Variants in PPFIA2 observed in about 807,000 individuals in gnomAD.
The protein encoded by PPFIA2 is PPFI scaffold protein A2.
In PPFIA2, 46 loss-of-function variants were observed where a neutral mutation model predicts 175.5. The observed-to-expected ratio is 0.26, with a 90% CI of 0.21 to 0.34. The LOEUF (loss-of-function observed/expected upper bound fraction) is 0.34. PPFIA2 is among the 10% of genes least tolerant of loss of function. The probability of loss-of-function intolerance (pLI) is 1.00; values close to 1 mark genes in which losing one functional copy is unlikely to be tolerated. For missense variants in PPFIA2, 1,179 were observed against 1,506.1 expected (o/e 0.78, Z 3.60); for synonymous variants, 568 against 511.4 (o/e 1.11, Z -1.49).
chr12:81,331,064 C>T (rs755186612), intron 21 of PPFIA2, among the ~76,000 whole-genome samples: 9 of 152,102 alleles, frequency 5.9e-5, no homozygotes, highest in East Asian at 1.9e-4. Context: ...TAAGTTTTGG[C>T]GTAAAGGCCG....
intron 4 of PPFIA2, among the ~76,000 whole-genome samples, chr12:81,472,338 G>T (rs987060741): frequency 6.6e-6 from 1 of 152,112 alleles, no homozygotes; most frequent in African/African-American, 2.4e-5. Context: ...ATTTTTAATG[G>T]CTGAATAAAA....
chr12:81,546,272 T>C (rs1388646430), intron 4 of PPFIA2: 1 of 152,184 alleles, frequency 6.6e-6, no homozygotes, highest in Non-Finnish European at 1.5e-5. Flanking sequence ...CACACAGGTG[T>C]TCAGGGGATT....
intron 7 of PPFIA2, among the ~76,000 whole-genome samples, chr12:81,413,374 T>A (rs1032181698): frequency 6.6e-6 from 1 of 151,972 alleles, no homozygotes; most frequent in African/African-American, 2.4e-5. Context: ...ATATAAGAAC[T>A]TGAAGGTCTT....
Position 81,754,086 on chromosome 12 carries a change from G to A in PPFIA2, c.136C>T (p.Leu46=). 6.2e-7 allele frequency: 1 copy of A among 1,613,904 alleles called. No homozygotes were observed. The highest frequency in any genetic ancestry group is 8.5e-7 in the Non-Finnish European group (1 of 1,179,874). The change falls in exon 3 of 33, where the codon CTA becomes TTA. Residue 46 remains leucine (L), a synonymous_variant. Transcript: ENST00000549396. ...TCCTGGGTCTCCCGAAGGGTGTCTA[G>A]AAGACGATCCCTTTCATCTAGCATA... is the stretch of plus-strand genomic sequence containing the variant. ...VNMLDERDRL[L]DTLRETQESL... is the part of the protein sequence containing the mutation.
intron 4 of PPFIA2, among the ~76,000 whole-genome samples, chr12:81,584,586 A>G (rs1274961942): frequency 6.6e-6 from 1 of 151,246 alleles, no homozygotes; most frequent in African/African-American, 2.4e-5. Flanking sequence ...ATCATGACAC[A>G]ATACATAAAT....
intron 3 of PPFIA2, among the ~76,000 whole-genome samples, chr12:81,691,626 G>A (rs565000606): frequency 1.3e-5 from 2 of 152,222 alleles, no homozygotes; most frequent in East Asian, 3.9e-4. Flanking sequence ...TCATTAGGAG[G>A]AAGTATATTA....
At chr12:81,704,478 G>A (rs1441989394) in intron 3 of PPFIA2, among the ~76,000 whole-genome samples, 2 of 151,984 alleles carry the variant, frequency 1.3e-5, no homozygotes, top group Non-Finnish European at 2.9e-5. Flanking sequence ...TTCATGATGA[G>A]AAAAACACCT....
chr12:81,436,412 T>C (rs1234076866), intron 7 of PPFIA2, among the ~76,000 whole-genome samples: 1 of 151,310 alleles, frequency 6.6e-6, no homozygotes, highest in Non-Finnish European at 1.5e-5. Context: ...TGGTTCCTGA[T>C]TATTCGGCTC....
chr12:81,533,328 G>A (rs985554977), intron 4 of PPFIA2, among the ~76,000 whole-genome samples: 8 of 151,698 alleles, frequency 5.3e-5, no homozygotes, highest in Admixed American at 4.0e-4. Context: ...GCTTACTTAC[G>A]ATTGTATAAT....
At chr12:81,289,029 A>G (rs2044201783) in intron 24 of PPFIA2, among the ~76,000 whole-genome samples, 1 of 151,830 alleles carries the variant, frequency 6.6e-6, no homozygotes, top group Non-Finnish European at 1.5e-5. Context: ...GAGAAAACCC[A>G]CATAGGAGTA....
intron 4 of PPFIA2, chr12:81,545,469 A>T (rs2066845935): frequency 6.5e-6 from 1 of 154,024 alleles, no homozygotes; most frequent in African/African-American, 2.4e-5. Flanking sequence ...CCACATGTCT[A>T]AAAAGAGTGC....
At chr12:81,555,955 G>T (rs971229309) in intron 4 of PPFIA2, among the ~76,000 whole-genome samples, 2 of 151,768 alleles carry the variant, frequency 1.3e-5, no homozygotes, top group African/African-American at 2.4e-5. Flanking sequence ...TAAAAATAGA[G>T]ACCCTTGGGG....
intron 26 of PPFIA2, 80 bp from the exon 27 acceptor site, chr12:81,281,530 C>A: frequency 1.1e-6 from 1 of 919,192 alleles, no homozygotes; most frequent in South Asian, 2.4e-5. Flanking sequence ...ATTATTATAA[C>A]TGATATTTAA....
At chr12:81,265,685 G>C (rs2037038767) in intron 30 of PPFIA2, among the ~76,000 whole-genome samples, 1 of 152,174 alleles carries the variant, frequency 6.6e-6, no homozygotes. Context: ...CAGCAGCATA[G>C]TTTAAAGACA....
chr12:81,554,557 C>A (rs1477351551), intron 4 of PPFIA2, among the ~76,000 whole-genome samples: 2 of 151,998 alleles, frequency 1.3e-5, no homozygotes, highest in African/African-American at 4.8e-5. Flanking sequence ...TAAGATCCAA[C>A]AAAATCTACT....
rs187163745 is a variant in PPFIA2 at position 81,300,994 on chromosome 12, A to G, written c.2643-1612T>C. Among the ~76,000 whole-genome samples the G allele has an allele frequency of 2.6e-3, 387 of 146,330 alleles. 7 individuals carry two copies. The highest frequency in any genetic ancestry group is 0.01 in the African/African-American group (374 of 35,888). ...CTGAAAATACAATACAATACAATAT[A>G]ATACAATACATTACACAAACAGCTG... On this transcript the variant is annotated intron_variant, in intron 22 of 32. Coordinates refer to ENST00000549396, the MANE Select transcript of PPFIA2 (RefSeq NM_003625.5).
chr12:81,284,006 C>T (rs2042694451), intron 25 of PPFIA2, among the ~76,000 whole-genome samples: 1 of 152,098 alleles, frequency 6.6e-6, no homozygotes, highest in African/African-American at 2.4e-5. Context: ...TTACTTTCTT[C>T]CTTATTGTTT....
chr12:81,490,619 C>A (rs2059325938), intron 4 of PPFIA2, among the ~76,000 whole-genome samples: 1 of 151,874 alleles, frequency 6.6e-6, no homozygotes, highest in Non-Finnish European at 1.5e-5. Flanking sequence ...TGTTAAGCAG[C>A]CTTGACTGCA....
At chr12:81,585,940 TTATGATGTG>T (rs1372566419) in intron 4 of PPFIA2, among the ~76,000 whole-genome samples, 1 of 151,896 alleles carries the variant, frequency 6.6e-6, no homozygotes, top group South Asian at 2.1e-4. Flanking sequence ...TGCTATGACG[TTATGATGTG>T]TATGATGTTA....
Sources: gnomAD v4.1 joint callset for allele counts (sites outside exome capture counted in the v4.1 genomes callset) on GRCh38, gnomAD v4.1.1 for gene constraint, MANE v1.5 for transcripts, NCBI Gene and HGNC (gene_info 2026-07-23, HGNC 2026-07-21) for gene names.